ENTREP2: variants seen among roughly 807,000 people sequenced by gnomAD.
ENTREP2 encodes protein ENTREP2.
chr15:29,331,695 G>T, the ENTREP2 span, among the ~76,000 whole-genome samples: 2 of 152,230 alleles, frequency 1.3e-5, no homozygotes, highest in Non-Finnish European at 2.9e-5. Context: ...AAGCTGAGCG[G>T]CTGGGAAGAC....
chr15:29,596,591 A>G, the ENTREP2 span, among the ~76,000 whole-genome samples: 1 of 152,196 alleles, frequency 6.6e-6, no homozygotes, highest in African/African-American at 2.4e-5. Flanking sequence ...ACATTGTTCC[A>G]TACATTTGTG....
the ENTREP2 span, among the ~76,000 whole-genome samples, chr15:29,338,236 G>A: frequency 6.6e-6 from 1 of 151,668 alleles, no homozygotes; most frequent in African/African-American, 2.4e-5. Context: ...CAGCCCCTCT[G>A]CATATAAGGA....
chr15:29,305,735 G>A, the ENTREP2 span, among the ~76,000 whole-genome samples: 1 of 152,204 alleles, frequency 6.6e-6, no homozygotes, highest in East Asian at 1.9e-4. Flanking sequence ...GTGTTAAAAT[G>A]GAAATGCCTA....
the ENTREP2 span, among the ~76,000 whole-genome samples, chr15:29,500,353 G>C: frequency 4.6e-5 from 7 of 151,996 alleles, no homozygotes; most frequent in South Asian, 2.1e-4. Flanking sequence ...CAAAAAACAA[G>C]TCTCTGTAAA....
At chr15:29,570,050 CACCCCCCA>C in the ENTREP2 span, 6 of 116,118 alleles carry the variant, frequency 5.2e-5, no homozygotes, top group African/African-American at 1.7e-4. Flanking sequence ...CCCCCCACCC[CACCCCCCA>C]CCCCCACCGC....
the ENTREP2 span, among the ~76,000 whole-genome samples, chr15:29,134,681 G>C: frequency 6.6e-6 from 1 of 152,228 alleles, no homozygotes; most frequent in Non-Finnish European, 1.5e-5. Context: ...TTGTGGGTGT[G>C]ATTGTCGGAA....
the ENTREP2 span, among the ~76,000 whole-genome samples, chr15:29,221,806 G>A: frequency 1.3e-5 from 2 of 152,098 alleles, no homozygotes; most frequent in African/African-American, 4.8e-5. Context: ...AGGAAAATAA[G>A]GAACACTGCA....
At chr15:29,663,609 A>T in the ENTREP2 span, among the ~76,000 whole-genome samples, 1 of 152,168 alleles carries the variant, frequency 6.6e-6, no homozygotes, top group Non-Finnish European at 1.5e-5. Flanking sequence ...AAACCATCGC[A>T]AGGACAAAAA....
At chr15:29,512,468 C>T in the ENTREP2 span, among the ~76,000 whole-genome samples, 2 of 152,194 alleles carry the variant, frequency 1.3e-5, no homozygotes, top group Non-Finnish European at 1.5e-5. Context: ...GACTGAACTG[C>T]GTCCTCCCAA....
At chr15:29,401,387 A>T in the ENTREP2 span, among the ~76,000 whole-genome samples, 2 of 152,230 alleles carry the variant, frequency 1.3e-5, no homozygotes, top group African/African-American at 2.4e-5. Context: ...TTTAATGAAC[A>T]ATAAACATGT....
the ENTREP2 span, among the ~76,000 whole-genome samples, chr15:29,409,927 A>C: frequency 3.3e-5 from 5 of 152,160 alleles, no homozygotes; most frequent in Non-Finnish European, 5.9e-5. Context: ...AGGGTCCCCA[A>C]AGCCCCCGAT....
chr15:29,266,745 C>CT, the ENTREP2 span: 2 of 152,138 alleles, frequency 1.3e-5, no homozygotes, highest in African/African-American at 4.8e-5. Context: ...AGTCATACAA[C>CT]AGCCCGATAG....
chr15:29,173,323 A>G, the ENTREP2 span, among the ~76,000 whole-genome samples: 17 of 152,312 alleles, frequency 1.1e-4, no homozygotes, highest in South Asian at 3.5e-3. Context: ...TGACTATGAT[A>G]GAAGACGGCA....
At chr15:29,482,513 A>C in the ENTREP2 span, among the ~76,000 whole-genome samples, 1 of 151,846 alleles carries the variant, frequency 6.6e-6, no homozygotes, top group Admixed American at 6.6e-5. Context: ...CCTCCCCCAA[A>C]CCTCTGGCAA....
the ENTREP2 span, among the ~76,000 whole-genome samples, chr15:29,560,288 G>A: frequency 2.0e-5 from 3 of 152,110 alleles, no homozygotes; most frequent in Non-Finnish European, 4.4e-5. Flanking sequence ...ACTTGGTTGG[G>A]GATATCCTGA....
the ENTREP2 span, among the ~76,000 whole-genome samples, chr15:29,501,052 C>G: frequency 6.6e-6 from 1 of 151,952 alleles, no homozygotes; most frequent in East Asian, 1.9e-4. Flanking sequence ...AATGAGTCAA[C>G]TTTTCTAAAA....
the ENTREP2 span, among the ~76,000 whole-genome samples, chr15:29,215,322 C>T: frequency 6.6e-6 from 1 of 151,984 alleles, no homozygotes; most frequent in East Asian, 1.9e-4. Flanking sequence ...CCACCCTCAA[C>T]CTGGGTGGGA....
chr15:29,333,428 G>A, the ENTREP2 span, among the ~76,000 whole-genome samples: 34 of 152,080 alleles, frequency 2.2e-4, no homozygotes, highest in South Asian at 2.5e-3. Context: ...AGCACCCCCC[G>A]CCCCACTTGA....
the ENTREP2 span, among the ~76,000 whole-genome samples, chr15:29,575,743 A>G: frequency 2.0e-5 from 3 of 152,220 alleles, no homozygotes; most frequent in East Asian, 1.9e-4. Context: ...GAAAACAATA[A>G]GACAATTATA....
Sources: gnomAD v4.1 joint callset for allele counts (sites outside exome capture counted in the v4.1 genomes callset) on GRCh38, gnomAD v4.1.1 for gene constraint, MANE v1.5 for transcripts, NCBI Gene and HGNC (gene_info 2026-07-23, HGNC 2026-07-21) for gene names.